Variants in KDM2A observed in about 807,000 individuals in gnomAD.
The protein encoded by KDM2A is lysine-specific demethylase 2A.
In KDM2A, 3 loss-of-function variants were observed where a neutral mutation model predicts 137.3. That is an observed-to-expected ratio of 0.02 (90% CI 0.01 to 0.06). KDM2A has a LOEUF of 0.06. Ranked by LOEUF, KDM2A falls within the 10% of genes least tolerant of loss-of-function variation. KDM2A has a pLI of 1.00. For missense variants in KDM2A, 738 were observed against 1,510.6 expected (o/e 0.49, Z 8.48); for synonymous variants, 512 against 541.5 (o/e 0.95, Z 0.76).
intron 2 of KDM2A, among the ~76,000 whole-genome samples, chr11:67,158,762 T>C (rs756078975): frequency 6.6e-6 from 1 of 152,184 alleles, no homozygotes; most frequent in Non-Finnish European, 1.5e-5. Flanking sequence ...GTGCTCGTAT[T>C]ATAGGCGTGA....
intron 2 of KDM2A, among the ~76,000 whole-genome samples, chr11:67,156,461 G>A (rs1565381284): frequency 6.6e-6 from 1 of 151,908 alleles, no homozygotes; most frequent in Non-Finnish European, 1.5e-5. Flanking sequence ...GCTCTCGGCT[G>A]TAATCCCAGC....
intron 6 of KDM2A, among the ~76,000 whole-genome samples, chr11:67,210,660 A>G (rs1325218770): frequency 6.6e-6 from 1 of 152,226 alleles, no homozygotes; most frequent in Non-Finnish European, 1.5e-5. Context: ...ACGGGGACCT[A>G]AAACATGAAA....
intron 2 of KDM2A, among the ~76,000 whole-genome samples, chr11:67,170,886 T>C (rs1856867963): frequency 6.6e-6 from 1 of 152,150 alleles, no homozygotes; most frequent in Non-Finnish European, 1.5e-5. Context: ...TTTTGTAGCA[T>C]AGAGTAGTGG....
At chr11:67,150,280 C>T (rs1314973293) in intron 2 of KDM2A, among the ~76,000 whole-genome samples, 1 of 152,094 alleles carries the variant, frequency 6.6e-6, no homozygotes, top group Non-Finnish European at 1.5e-5. Context: ...CAACTAAGGG[C>T]CACAGGTATT....
At position 67,255,174 on chromosome 11, in the gene KDM2A, C is replaced by A; in HGVS notation, c.*119C>A. 1 of 887,658 alleles carries A rather than the reference C, an allele frequency of 1.1e-6. No individual in the cohort carries two copies. The highest frequency in any genetic ancestry group is 1.7e-6 in the Non-Finnish European group (1 of 583,104). The allele number at this position is 887,658 out of a possible 1,614,324, so 55.0% of individuals were successfully genotyped here. A position where few individuals can be genotyped will look rare whatever the true frequency, so the allele number is the denominator to read the frequency against. ...AGCGTCACACTCCCTCTCTGCTCTC[C>A]TGTCCCTTGAGCCCTTCCTCTACAG... On this transcript the variant is annotated 3_prime_UTR_variant, in exon 21 of 21. Coordinates refer to ENST00000529006, the MANE Select transcript of KDM2A (RefSeq NM_012308.3).
At chr11:67,182,525 TAA>T (rs1857112438) in intron 5 of KDM2A, among the ~76,000 whole-genome samples, 1 of 136,792 alleles carries the variant, frequency 7.3e-6, no homozygotes, top group South Asian at 2.3e-4. Flanking sequence ...TAAAATTGAA[TAA>T]GTCTTTTTTT....
At chr11:67,253,909 C>A (rs992140364) in intron 19 of KDM2A, among the ~76,000 whole-genome samples, 9 of 152,170 alleles carry the variant, frequency 5.9e-5, no homozygotes, top group Non-Finnish European at 1.0e-4. Flanking sequence ...AAGCTATTTG[C>A]ATGATGGTCT....
chr11:67,172,418 C>T (rs1856896918), intron 2 of KDM2A, among the ~76,000 whole-genome samples: 3 of 152,116 alleles, frequency 2.0e-5, no homozygotes, highest in Admixed American at 2.0e-4. Flanking sequence ...GAACACAGGA[C>T]ATTTTTCTAT....
intron 2 of KDM2A, among the ~76,000 whole-genome samples, chr11:67,124,614 CTTTT>C (rs34517858): frequency 8.9e-6 from 1 of 112,686 alleles, no homozygotes; most frequent in Non-Finnish European, 1.8e-5. Context: ...GCCTGGCCCA[CTTTT>C]TTTTTTTTTT....
chr11:67,251,434 G>C (rs937355307), intron 17 of KDM2A, among the ~76,000 whole-genome samples: 2 of 152,192 alleles, frequency 1.3e-5, no homozygotes, highest in African/African-American at 4.8e-5. Flanking sequence ...AAAATTGCTA[G>C]TGATGATGAA....
rs1205416056 is a variant in KDM2A, at chr11:67,243,052, T to C, written c.1523T>C (p.Leu508Pro). The change falls in exon 13 of 21, where the codon CTC (leucine) becomes CCC (proline). Residue 508 changes from leucine (L) to proline (P), a missense_variant. This residue lies in a region of KDM2A where 71 missense variants were observed against 147.9 expected (regional missense o/e 0.48). Transcript: ENST00000529006. ...GCCAACAGCGATCCCAAGTTAGCCC[T>C]CACTGGAGTTCCTATAGTACAGTGG... The part of the protein sequence containing the change: ...ELANSDPKLA[L>P]TGVPIVQWPK... 2 of 1,613,744 alleles carry C rather than the reference T, an allele frequency of 1.2e-6. No individual in the cohort carries two copies. Among genetic ancestry groups the C allele is most frequent in the African/African-American group, 1.3e-5 (1 of 74,928 alleles).
At chr11:67,149,847 A>G (rs1856345577) in intron 2 of KDM2A, among the ~76,000 whole-genome samples, 1 of 151,874 alleles carries the variant, frequency 6.6e-6, no homozygotes, top group African/African-American at 2.4e-5. Context: ...CAGCCACCCA[A>G]GTAGCTGGGA....
chr11:67,252,647 C>G, intron 17 of KDM2A, 47 bp from the exon 18 acceptor site: 1 of 1,606,632 alleles, frequency 6.2e-7, no homozygotes, highest in Non-Finnish European at 8.5e-7. Flanking sequence ...GATGGGAGCT[C>G]CACTGATCAA....
chr11:67,246,040 A>G lies in KDM2A; in HGVS notation c.1889A>G (p.Glu630Gly). 1 of 1,614,022 alleles carries G rather than the reference A, an allele frequency of 6.2e-7. No homozygotes were observed. Among genetic ancestry groups the G allele is most frequent in the Non-Finnish European group, 8.5e-7 (1 of 1,179,856 alleles). ...CTCTGTGGAGAGGTGGATCAGAATG[A>G]AGAGACACAAGACTTTGAGAAGAAA... ...CSLCGEVDQN[E>G]ETQDFEKKLM... is the part of the protein sequence containing the mutation. Residue 630 changes from glutamate (E) to glycine (G), a missense_variant, in exon 15 of 21, where the codon GAA (glutamate) becomes GGA (glycine). Physicochemically the swap from Glu to Gly is moderately conservative, Grantham distance 98. Coordinates refer to ENST00000529006, the MANE Select transcript of KDM2A (RefSeq NM_012308.3).
intron 2 of KDM2A, among the ~76,000 whole-genome samples, chr11:67,128,071 A>G (rs544921887): frequency 4.9e-5 from 7 of 144,224 alleles, no homozygotes; most frequent in Admixed American, 1.4e-4. Context: ...CCGGAGTGCA[A>G]TGGCACTACC....
intron 2 of KDM2A, among the ~76,000 whole-genome samples, chr11:67,130,535 A>T (rs548111492): frequency 7.9e-5 from 12 of 152,220 alleles, no homozygotes; most frequent in East Asian, 3.9e-4. Flanking sequence ...GCAAGTGATG[A>T]TGTTTGTGTT....
At chr11:67,195,825 G>A (rs1565398496) in intron 5 of KDM2A, 3 of 218,586 alleles carry the variant, frequency 1.4e-5, no homozygotes, top group South Asian at 1.3e-4. Flanking sequence ...TATTGCCTGT[G>A]TATTTACCCA....
chr11:67,205,502 T>C lies in KDM2A; in HGVS notation c.308-2008T>C, dbSNP rs569237820. ...AGACAATAGATATAAATTTTTTTTT[T>C]CTACAGCCTCGACCTCCTGGGCTCA... On this transcript the variant is annotated intron_variant, in intron 5 of 20. Coordinates refer to ENST00000529006, the MANE Select transcript of KDM2A (RefSeq NM_012308.3). Among the ~76,000 whole-genome samples, 11 of 152,168 alleles carry C rather than the reference T, an allele frequency of 7.2e-5. 1 individual carries two copies. The South Asian group carries it at 2.3e-3, about 32-fold the overall frequency.
intron 12 of KDM2A, among the ~76,000 whole-genome samples, chr11:67,242,570 C>T (rs1859078134): frequency 1.3e-5 from 2 of 152,106 alleles, no homozygotes; most frequent in Admixed American, 6.5e-5. Context: ...TAACACTTGT[C>T]ACCACAGTAA....
Sources: gnomAD v4.1 joint callset for allele counts (sites outside exome capture counted in the v4.1 genomes callset) on GRCh38, gnomAD v4.1.1 for gene constraint, gnomAD v4.1.1 regional missense constraint, MANE v1.5 for transcripts, NCBI Gene and HGNC (gene_info 2026-07-23, HGNC 2026-07-21) for gene names.